Variants in NTN1 observed in about 807,000 individuals in gnomAD.
NTN1 encodes netrin-1.
Under a neutral mutation model 54.2 loss-of-function variants are expected in NTN1, and 11 were observed. The ratio of observed to expected loss-of-function variants is 0.20; its 90% confidence interval spans 0.13 to 0.34. The LOEUF (loss-of-function observed/expected upper bound fraction) is 0.34. Among genes scored for constraint, NTN1 ranks in the 10% least tolerant of loss-of-function variants. NTN1 has a pLI of 1.00. For missense variants in NTN1, 740 were observed against 893.1 expected (o/e 0.83, Z 2.18); for synonymous variants, 371 against 382.0 (o/e 0.97, Z 0.33).
intron 6 of NTN1, among the ~76,000 whole-genome samples, chr17:9,225,090 G>A (rs374228992): frequency 1.3e-5 from 2 of 152,092 alleles, no homozygotes; most frequent in African/African-American, 4.8e-5. Flanking sequence ...GTGAAACCCC[G>A]TCTCTATTAA....
chr17:9,103,956 G>A (rs970798625), intron 2 of NTN1, among the ~76,000 whole-genome samples: 21 of 151,946 alleles, frequency 1.4e-4, no homozygotes, highest in African/African-American at 5.1e-4. Flanking sequence ...AGGTGTGATG[G>A]TGGATGCCTG....
intron 5 of NTN1, among the ~76,000 whole-genome samples, chr17:9,202,055 CAAAAAAAAAAAAAAAAAA>C (rs773720564): frequency 1.4e-4 from 7 of 48,316 alleles, no homozygotes; most frequent in Admixed American, 3.4e-4. Flanking sequence ...CACACACACA[CAAAAAAAAAAAAAAAAAA>C]AAAAAAAAAA....
chr17:9,093,746 G>T (rs1163049950), intron 2 of NTN1, among the ~76,000 whole-genome samples: 1 of 152,194 alleles, frequency 6.6e-6, no homozygotes, highest in Non-Finnish European at 1.5e-5. Context: ...AGCCGAGGCA[G>T]GTGGATCACT....
At chr17:9,224,105 GATC>G (rs1270004377) in intron 6 of NTN1, among the ~76,000 whole-genome samples, 1 of 152,218 alleles carries the variant, frequency 6.6e-6, no homozygotes, top group Non-Finnish European at 1.5e-5. Context: ...GCCCAAAACT[GATC>G]CTGTGTTCCA....
the NTN1 span, among the ~76,000 whole-genome samples, chr17:9,016,387 C>A: frequency 6.6e-6 from 1 of 152,120 alleles, no homozygotes; most frequent in Non-Finnish European, 1.5e-5. Context: ...TTGTCATCCC[C>A]CAGAGCTGTT....
chr17:9,124,035 C>T (rs1184790942), intron 2 of NTN1, among the ~76,000 whole-genome samples: 1 of 152,170 alleles, frequency 6.6e-6, no homozygotes, highest in Non-Finnish European at 1.5e-5. Flanking sequence ...CTCAGGTCTT[C>T]TTAGCAACCT....
At chr17:9,056,143 G>A (rs1006895434) in intron 2 of NTN1, among the ~76,000 whole-genome samples, 10 of 151,944 alleles carry the variant, frequency 6.6e-5, no homozygotes, top group Admixed American at 4.6e-4. Flanking sequence ...TGCAACCTCC[G>A]CCTCCCGGGT....
In NTN1 at chr17:9,239,898, G is replaced by T. The variant is rs754203987; in HGVS notation, c.1745G>T (p.Arg582Leu). ...AAAAGCAGCCTGGTGATCCAGTGGC[G>T]GGACACGTGGGCGCGGCGGCTGCGC... ...ADKSSLVIQW[R>L]DTWARRLRKF... Residue 582 changes from arginine to leucine, a missense_variant, in exon 7 of 7, where the codon CGG (arginine) becomes CTG (leucine). Arg to Leu is a moderately radical substitution (Grantham distance 102). Transcript: ENST00000173229. The surrounding 1 kb of genome is among the most constrained non-coding windows in gnomAD (Gnocchi z 5.2). 115 of 1,607,810 alleles carry T rather than the reference G, an allele frequency of 7.2e-5. No homozygotes were observed. The highest frequency in any genetic ancestry group is 8.9e-5 in the Non-Finnish European group (105 of 1,177,900).
In NTN1 at chr17:9,113,019, A is replaced by ATT. The variant is rs398058563; in HGVS notation, c.1019-49787_1019-49786dup. ...ATCAATGATACGTTTTGTATACAGA[A>ATT]TTTTTTTTATTTTTATTTTTTTGAG... On this transcript the variant is annotated intron_variant, in intron 2 of 6. Coordinates refer to ENST00000173229, the MANE Select transcript of NTN1 (RefSeq NM_004822.3). 3.6e-3 allele frequency among the ~76,000 whole-genome samples: 517 copies of ATT among 141,956 alleles called. 8 individuals carry two copies. Among genetic ancestry groups the ATT allele is most frequent in the Non-Finnish European group, 5.0e-3 (325 of 64,494 alleles). 93.1% of individuals were successfully genotyped at this position (141,956 alleles called of 152,430 possible). A position where few individuals can be genotyped will look rare whatever the true frequency, so the allele number is the denominator to read the frequency against.
chr17:9,158,150 T>C (rs1463170271), intron 2 of NTN1, among the ~76,000 whole-genome samples: 4 of 152,206 alleles, frequency 2.6e-5, no homozygotes, highest in African/African-American at 9.6e-5. Context: ...TCCTGACAGC[T>C]CCAAGAAGCA....
chr17:9,036,032 A>T (rs1323507034), intron 2 of NTN1, among the ~76,000 whole-genome samples: 1 of 152,100 alleles, frequency 6.6e-6, no homozygotes, highest in Non-Finnish European at 1.5e-5. Context: ...AAAAAAGAAA[A>T]AATTATTTGT....
intron 2 of NTN1, among the ~76,000 whole-genome samples, chr17:9,105,418 G>A (rs986847676): frequency 1.3e-5 from 2 of 152,180 alleles, no homozygotes; most frequent in African/African-American, 2.4e-5. Flanking sequence ...AGGAACATTT[G>A]GGGGCTGAGA....
At chr17:9,183,515 C>T (rs1458512766) in intron 5 of NTN1, 2 of 358,044 alleles carry the variant, frequency 5.6e-6, no homozygotes, top group Admixed American at 4.3e-5. Context: ...TGGTCACTGG[C>T]GGAAGTCACA....
chr17:9,231,635 AG>A (rs1905818429), intron 6 of NTN1, among the ~76,000 whole-genome samples: 1 of 151,126 alleles, frequency 6.6e-6, no homozygotes, highest in South Asian at 2.1e-4. Context: ...TGTCAGGCAA[AG>A]GGGCTCGCTG....
intron 5 of NTN1, among the ~76,000 whole-genome samples, chr17:9,191,663 G>C (rs998251681): frequency 6.6e-6 from 1 of 152,106 alleles, no homozygotes; most frequent in South Asian, 2.1e-4. Context: ...TAGAGAATTT[G>C]TACAAATGGC....
chr17:9,037,268 C>T (rs999761834), intron 2 of NTN1, among the ~76,000 whole-genome samples: 1 of 152,158 alleles, frequency 6.6e-6, no homozygotes, highest in Admixed American at 6.5e-5. Flanking sequence ...TGTAAATAGT[C>T]TTAAACATAA....
chr17:9,142,948 C>T (rs1393609214), intron 2 of NTN1, among the ~76,000 whole-genome samples: 1 of 152,184 alleles, frequency 6.6e-6, no homozygotes, highest in Non-Finnish European at 1.5e-5. Flanking sequence ...CACATACACT[C>T]TAAAAGGTAA....
chr17:9,049,876 CTGAA>C (rs2091954189), intron 2 of NTN1, among the ~76,000 whole-genome samples: 1 of 152,158 alleles, frequency 6.6e-6, no homozygotes, highest in Admixed American at 6.6e-5. Context: ...CTGGGGGAAA[CTGAA>C]TGAAGAGTTC....
At chr17:9,124,049 GCCTGTCC>G (rs1340778489) in intron 2 of NTN1, among the ~76,000 whole-genome samples, 1 of 152,100 alleles carries the variant, frequency 6.6e-6, no homozygotes, top group African/African-American at 2.4e-5. Context: ...GCAACCTTTG[GCCTGTCC>G]CCTGACCCCA....
Sources: allele counts gnomAD v4.1 joint callset (sites outside exome capture counted in the v4.1 genomes callset), GRCh38; gene constraint gnomAD v4.1.1; non-coding constraint Gnocchi (gnomAD v3.1); transcripts MANE v1.5; gene names NCBI Gene and HGNC (gene_info 2026-07-23, HGNC 2026-07-21).